Variants in NRXN1 observed in about 807,000 individuals in gnomAD.
NRXN1 encodes the protein neurexin-1.
NRXN1 carries 39 observed loss-of-function variants against 150.9 expected under a neutral mutation model. The ratio of observed to expected loss-of-function variants is 0.26; its 90% CI spans 0.20 to 0.34. The LOEUF (loss-of-function observed/expected upper bound fraction) is 0.34, where lower values mean the gene tolerates loss of function less well. NRXN1 is among the 10% of genes least tolerant of loss of function. The pLI is 1.00. For missense variants in NRXN1, 1,815 were observed against 1,949.9 expected (o/e 0.93, Z 1.30); for synonymous variants, 924 against 757.0 (o/e 1.22, Z -3.62).
At chr2:50,989,095 T>C (rs1339257410) in intron 2 of NRXN1, among the ~76,000 whole-genome samples, 3 of 152,044 alleles carry the variant, frequency 2.0e-5, no homozygotes, top group Non-Finnish European at 4.4e-5. Context: ...TTTTTAGATA[T>C]TCTAAATTGG....
At chr2:50,536,429 A>G (rs1471914096) in intron 10 of NRXN1, among the ~76,000 whole-genome samples, 1 of 152,128 alleles carries the variant, frequency 6.6e-6, no homozygotes, top group African/African-American at 2.4e-5. Flanking sequence ...CCTTTTTCTA[A>G]TCATTGCAAT....
intron 17 of NRXN1, among the ~76,000 whole-genome samples, chr2:50,419,224 T>C (rs1329167850): frequency 6.6e-6 from 1 of 152,110 alleles, no homozygotes; most frequent in African/African-American, 2.4e-5. Flanking sequence ...AAATAAATAG[T>C]ATATCTGAAA....
chr2:50,843,429 G>T (rs1673167885), intron 5 of NRXN1, among the ~76,000 whole-genome samples: 1 of 152,166 alleles, frequency 6.6e-6, no homozygotes, highest in Non-Finnish European at 1.5e-5. Flanking sequence ...GATAGTAATG[G>T]AGGAAAGTGA....
At chr2:49,956,464 T>C (rs1674964126) in intron 21 of NRXN1, among the ~76,000 whole-genome samples, 1 of 152,188 alleles carries the variant, frequency 6.6e-6, no homozygotes, top group African/African-American at 2.4e-5. Context: ...AACTAATAAA[T>C]GGTGCCAGTG....
intron 17 of NRXN1, among the ~76,000 whole-genome samples, chr2:50,320,283 C>CTT (rs1178411507): frequency 0.059 from 2,555 of 42,990 alleles, 182 homozygotes; most frequent in South Asian, 0.11. Flanking sequence ...ATACCTCAAT[C>CTT]ATATATATAT....
chr2:50,456,004 C>T (rs2104569837), intron 17 of NRXN1, among the ~76,000 whole-genome samples: 1 of 152,218 alleles, frequency 6.6e-6, no homozygotes, highest in South Asian at 2.1e-4. Flanking sequence ...ATACACTGTA[C>T]CACTGGAGTG....
intron 18 of NRXN1, among the ~76,000 whole-genome samples, chr2:50,183,891 C>T (rs1043672665): frequency 1.4e-4 from 21 of 151,940 alleles, no homozygotes; most frequent in African/African-American, 4.8e-4. Context: ...GAGCTGCAGG[C>T]AGGCACCGGT....
chr2:50,001,931 C>T (rs1361712474), intron 21 of NRXN1, among the ~76,000 whole-genome samples: 1 of 152,044 alleles, frequency 6.6e-6, no homozygotes, highest in African/African-American at 2.4e-5. Context: ...GACTCTCCTG[C>T]TGGCCTTCAA....
chr2:50,763,640 G>A (rs1292390791), intron 5 of NRXN1, among the ~76,000 whole-genome samples: 1 of 151,810 alleles, frequency 6.6e-6, no homozygotes, highest in African/African-American at 2.4e-5. Context: ...AAGGTGAAAG[G>A]AAGATGGTCA....
chr2:50,285,596 T>A (rs2072044840), intron 17 of NRXN1, among the ~76,000 whole-genome samples: 1 of 152,186 alleles, frequency 6.6e-6, no homozygotes, highest in South Asian at 2.1e-4. Context: ...TTTCCCTCAC[T>A]AATGTTATAA....
intron 2 of NRXN1, among the ~76,000 whole-genome samples, chr2:51,006,157 T>A (rs558681265): frequency 6.6e-6 from 1 of 151,860 alleles, no homozygotes; most frequent in Non-Finnish European, 1.5e-5. Context: ...TTGTCTCACG[T>A]GGGTCCGCAG....
intron 5 of NRXN1, among the ~76,000 whole-genome samples, chr2:50,700,332 A>G (rs753283750): frequency 6.6e-6 from 1 of 152,210 alleles, no homozygotes; most frequent in Admixed American, 6.5e-5. Flanking sequence ...CAACTCTTCC[A>G]TTTAATTTCT....
intron 8 of NRXN1, among the ~76,000 whole-genome samples, chr2:50,577,012 T>C (rs1287930440): frequency 6.6e-6 from 1 of 152,252 alleles, no homozygotes; most frequent in East Asian, 1.9e-4. Context: ...CATATTCTCA[T>C]CCAAAACTTG....
chr2:50,898,597 A>G (rs757426848), intron 5 of NRXN1: 1 of 489,956 alleles, frequency 2.0e-6, no homozygotes, highest in Non-Finnish European at 4.1e-6. Flanking sequence ...CTAGGATTCA[A>G]CTTTGCTGTA....
chr2:50,207,721 A>G (rs992312963), intron 18 of NRXN1: 3 of 168,270 alleles, frequency 1.8e-5, no homozygotes, highest in Non-Finnish European at 4.4e-5. Flanking sequence ...AAGAAACAAA[A>G]TATGATCGGC....
chr2:50,875,652 T>A (rs2106121732), intron 5 of NRXN1, among the ~76,000 whole-genome samples: 1 of 151,894 alleles, frequency 6.6e-6, no homozygotes, highest in South Asian at 2.1e-4. Flanking sequence ...TTTTCCCAAT[T>A]ACATTCTCCC....
At chr2:50,097,860 A>T (rs1034405203) in intron 18 of NRXN1, among the ~76,000 whole-genome samples, 11 of 152,034 alleles carry the variant, frequency 7.2e-5, no homozygotes, top group Admixed American at 2.6e-4. Flanking sequence ...GCTGGTCTCG[A>T]AATCCTGACC....
At chr2:50,927,679 G>T (rs1687110763) in intron 2 of NRXN1, among the ~76,000 whole-genome samples, 1 of 151,934 alleles carries the variant, frequency 6.6e-6, no homozygotes, top group Admixed American at 6.6e-5. Context: ...TGTATCTTCT[G>T]TTTAAGATGC....
At chr2:50,661,839 TG>T (rs1687346293) in intron 5 of NRXN1, among the ~76,000 whole-genome samples, 1 of 152,200 alleles carries the variant, frequency 6.6e-6, no homozygotes, top group Non-Finnish European at 1.5e-5. Context: ...GCAAACGCTG[TG>T]GTAGCCGTCT....
Sources: gnomAD v4.1 joint callset for allele counts (sites outside exome capture counted in the v4.1 genomes callset) on GRCh38, gnomAD v4.1.1 for gene constraint, MANE v1.5 for transcripts, NCBI Gene and HGNC (gene_info 2026-07-23, HGNC 2026-07-21) for gene names.